NGEF: variants seen among roughly 807,000 people sequenced by gnomAD.
The protein encoded by NGEF is neuronal guanine nucleotide exchange factor.
In NGEF, 31 loss-of-function variants were observed where a neutral mutation model predicts 80.9. The ratio of observed to expected loss-of-function variants is 0.38; its 90% CI spans 0.29 to 0.52. NGEF has a LOEUF of 0.52. Among genes scored for constraint, NGEF ranks in the 20% least tolerant of loss-of-function variants. The pLI, the probability that NGEF is intolerant of heterozygous loss-of-function variation, is 0.84. For missense variants in NGEF, 709 were observed against 926.2 expected, an observed-to-expected ratio of 0.77 and a Z score of 3.04; for synonymous variants, 371 against 370.2, an observed-to-expected ratio of 1.00 and a Z score of -0.03.
At chr2:232,907,518 G>A (rs2106262988) in intron 5 of NGEF, among the ~76,000 whole-genome samples, 1 of 152,198 alleles carries the variant, frequency 6.6e-6, no homozygotes, top group African/African-American at 2.4e-5. Flanking sequence ...GCACATGAAG[G>A]TCTTTAACAT....
chr2:232,907,689 TAA>T (rs10933413), intron 5 of NGEF, among the ~76,000 whole-genome samples: 3 of 151,858 alleles, frequency 2.0e-5, no homozygotes, highest in Non-Finnish European at 1.5e-5. Flanking sequence ...TAAAAGAAAG[TAA>T]AAAAAAAATC....
intron 3 of NGEF, among the ~76,000 whole-genome samples, chr2:232,940,378 A>G (rs1693413041): frequency 1.3e-5 from 2 of 152,214 alleles, no homozygotes; most frequent in South Asian, 2.1e-4. Context: ...GGAAGCTGTC[A>G]TTTTCCCCTG....
At position 232,884,704 on chromosome 2, in the gene NGEF, G is replaced by A. The variant is rs375748900; in HGVS notation, c.1438-560C>T. On this transcript the variant is annotated intron_variant, in intron 10 of 14. Coordinates refer to ENST00000264051, the MANE Select transcript of NGEF (RefSeq NM_019850.3). Reference sequence around the variant, plus strand: ...CAGGGGCAGGCGCCTGGCAGCCATCGGTCAGCACCGTGTGGAGCTACATGG... The same window carrying A: ...CAGGGGCAGGCGCCTGGCAGCCATCAGTCAGCACCGTGTGGAGCTACATGG... 1.4e-4 allele frequency among the ~76,000 whole-genome samples: 22 copies of A among 152,268 alleles called. No individual in the cohort carries two copies. The South Asian group carries it at 1.7e-3, about 11-fold the overall frequency.
intron 3 of NGEF, among the ~76,000 whole-genome samples, chr2:232,956,311 C>T (rs1001374377): frequency 1.3e-5 from 2 of 152,150 alleles, no homozygotes; most frequent in African/African-American, 4.8e-5. Context: ...TCCCTGCTTT[C>T]ACCACCTCCC....
Position 232,884,066 on chromosome 2 carries a change from G to A in NGEF, c.1516C>T (p.Arg506Trp), listed in dbSNP as rs766571072. 2.5e-6 allele frequency: 4 copies of A among 1,612,816 alleles called. No individual in the cohort carries two copies. The highest frequency in any genetic ancestry group is 3.4e-6 in the Non-Finnish European group (4 of 1,179,670). Residue 506 changes from arginine (R) to tryptophan (W), a missense_variant, in exon 11 of 15, where the codon CGG becomes TGG. By Grantham distance (101) the Arg-to-Trp change is moderately radical (BLOSUM62 -3). Coordinates refer to ENST00000264051, the MANE Select transcript of NGEF (RefSeq NM_019850.3). ...AAGAGCTTCTTGGTCCTCAGGGTCC[G>A]GGAGGTCTTGGGGCCTGACATCTGC... is the stretch of plus-strand genomic sequence containing the variant. ...LQQMSGPKTS[R>W]TLRTKKLFHE...
chr2:232,883,162 C>A, intron 12 of NGEF, 149 bp downstream of exon 12: 1 of 960,772 alleles, frequency 1.0e-6, no homozygotes, highest in South Asian at 1.9e-5. Flanking sequence ...AAAGTATTGG[C>A]GCAGGGTCTG....
In NGEF at chr2:232,928,195, G is replaced by C. The variant is rs961488489; in HGVS notation, c.384-1009C>G. Reference sequence around the variant, plus strand: ...GCCTGGAGGCTCCCGGGGTTGCCACGGCAACGAGGGAGGCGGGAGGGGCGC... The same window carrying C: ...GCCTGGAGGCTCCCGGGGTTGCCACCGCAACGAGGGAGGCGGGAGGGGCGC... On this transcript the variant is annotated intron_variant, in intron 3 of 14. Transcript: ENST00000264051. The C allele has an allele frequency of 1.7e-4, 168 of 974,528 alleles. 1 individual carries two copies. The African/African-American group carries it at 2.8e-3, about 16-fold the overall frequency. 60.4% of individuals were successfully genotyped at this position (974,528 alleles called of 1,614,324 possible). A position where few individuals can be genotyped will look rare whatever the true frequency, so the allele number is the denominator to read the frequency against.
chr2:232,926,487 G>C (rs920102477), intron 4 of NGEF, among the ~76,000 whole-genome samples: 11 of 152,144 alleles, frequency 7.2e-5, no homozygotes, highest in Non-Finnish European at 1.5e-4. Flanking sequence ...TTCCTGGAGA[G>C]GCTTCCCTTC....
chr2:233,010,831 C>T (rs3811590), intron 1 of NGEF, among the ~76,000 whole-genome samples: 14 of 152,280 alleles, frequency 9.2e-5, no homozygotes, highest in Middle Eastern at 3.4e-3. Flanking sequence ...GGGGTGGGTC[C>T]TCCAGTCTGG....
chr2:232,902,062 G>A (rs193109220), intron 5 of NGEF, among the ~76,000 whole-genome samples: 38 of 152,236 alleles, frequency 2.5e-4, no homozygotes, highest in Non-Finnish European at 4.7e-4. Flanking sequence ...AGCCAGGGGC[G>A]CAGGGCGCTC....
intron 3 of NGEF, among the ~76,000 whole-genome samples, chr2:232,957,120 G>A (rs982390402): frequency 2.0e-5 from 3 of 151,986 alleles, no homozygotes; most frequent in African/African-American, 4.8e-5. Context: ...GGCAAAGTAA[G>A]GAAGATTGAA....
chr2:232,902,276 C>T (rs1019050558), intron 5 of NGEF, among the ~76,000 whole-genome samples: 15 of 152,290 alleles, frequency 9.8e-5, no homozygotes, highest in Admixed American at 3.9e-4. Context: ...AAGAAGAAAC[C>T]CCTCAAAGGC....
intron 8 of NGEF, among the ~76,000 whole-genome samples, chr2:232,888,561 A>G (rs925366442): frequency 2.6e-5 from 4 of 151,912 alleles, no homozygotes; most frequent in Non-Finnish European, 4.4e-5. Context: ...GCATACCTGC[A>G]CACACACACG....
At chr2:232,891,950 C>T (rs1441873086) in intron 7 of NGEF, among the ~76,000 whole-genome samples, 8 of 151,878 alleles carry the variant, frequency 5.3e-5, no homozygotes, top group Admixed American at 4.6e-4. Flanking sequence ...GAGCTCGGCC[C>T]CATGCATGTC....
rs555872984 is a variant in NGEF at position 232,985,127 on chromosome 2, C to G, written c.-74-10163G>C. ...TCTTCCCCCATCACCTGATACCTGG[C>G]CGTGTTCTCCTTCCCTTTCTCCTTC... On this transcript the variant is annotated intron_variant, in intron 1 of 14. Coordinates refer to ENST00000264051, the MANE Select transcript of NGEF (RefSeq NM_019850.3). 2.6e-5 allele frequency among the ~76,000 whole-genome samples: 4 copies of G among 152,262 alleles called. No individual in the cohort carries two copies. In the South Asian group the frequency reaches 6.2e-4, roughly 24 times the overall value.
In NGEF at chr2:232,882,274, G is replaced by C; in HGVS notation, c.1758-9C>G. The C allele has an allele frequency of 1.9e-6, 3 of 1,612,594 alleles. No individual in the cohort carries two copies. The highest frequency in any genetic ancestry group is 1.7e-4 in the Middle Eastern group (1 of 6,056). The stretch of plus-strand genomic sequence containing the variant: ...AACGCTTCATCTCACTCCTGGCACA[G>C]GGAAGAGGACAGTGCCCCAACTGCA... On this transcript the variant is annotated splice_polypyrimidine_tract_variant and intron_variant, in intron 12 of 14. Coordinates refer to ENST00000264051, the MANE Select transcript of NGEF (RefSeq NM_019850.3).
chr2:232,978,315 C>T (rs928739911), intron 1 of NGEF, among the ~76,000 whole-genome samples: 30 of 151,890 alleles, frequency 2.0e-4, no homozygotes, highest in Admixed American at 1.7e-3. Context: ...GAGTTCAAGA[C>T]CAGCCTGGCC....
chr2:232,909,591 T>C (rs1692649788), intron 5 of NGEF, among the ~76,000 whole-genome samples: 1 of 152,224 alleles, frequency 6.6e-6, no homozygotes, highest in South Asian at 2.1e-4. Context: ...CAGTAAAAAG[T>C]GGACTTTTGG....
intron 5 of NGEF, among the ~76,000 whole-genome samples, chr2:232,909,877 A>C (rs1692656150): frequency 6.6e-6 from 1 of 152,210 alleles, no homozygotes; most frequent in Non-Finnish European, 1.5e-5. Flanking sequence ...ACAGTATGTA[A>C]CCCTTCTTTT....
Sources: allele counts gnomAD v4.1 joint callset (sites outside exome capture counted in the v4.1 genomes callset), GRCh38; gene constraint gnomAD v4.1.1; transcripts MANE v1.5; gene names NCBI Gene and HGNC (gene_info 2026-07-23, HGNC 2026-07-21).